The following FNDC3B variants were observed in gnomAD, a reference collection of about 807,000 sequenced individuals.
The protein encoded by FNDC3B is fibronectin type III domain containing 3B.
FNDC3B carries 12 observed loss-of-function variants against 151.5 expected under a neutral mutation model. The ratio of observed to expected loss-of-function variants is 0.08; its 90% confidence interval spans 0.05 to 0.13. The LOEUF (loss-of-function observed/expected upper bound fraction) is 0.13, where lower values mean the gene tolerates loss of function less well. Among genes scored for constraint, FNDC3B ranks in the 10% least tolerant of loss-of-function variants. The pLI is 1.00. For synonymous variants in FNDC3B, 528 were observed against 549.0 expected (o/e 0.96, Z 0.54); for missense variants, 1,214 against 1,505.3 (o/e 0.81, Z 3.20).
At chr3:172,080,893 T>C (rs1718247732) in intron 1 of FNDC3B, among the ~76,000 whole-genome samples, 2 of 152,234 alleles carry the variant, frequency 1.3e-5, no homozygotes, top group South Asian at 2.1e-4. Context: ...ATTTTCCTTA[T>C]AGTAACTTAC....
intron 3 of FNDC3B, among the ~76,000 whole-genome samples, chr3:172,178,608 G>A (rs1161223627): frequency 3.3e-5 from 5 of 152,132 alleles, no homozygotes; most frequent in South Asian, 4.1e-4. Context: ...GGAAAAGATG[G>A]GAGGAGGGAA....
intron 3 of FNDC3B, among the ~76,000 whole-genome samples, chr3:172,160,544 T>A (rs1188946696): frequency 6.6e-6 from 1 of 152,234 alleles, no homozygotes; most frequent in Non-Finnish European, 1.5e-5. Flanking sequence ...TCACTAATAT[T>A]GGCCAGCTCC....
rs996231482 is a variant in FNDC3B at position 172,233,733 on chromosome 3, T to A, written c.264+6786T>A. Among the ~76,000 whole-genome samples the A allele has an allele frequency of 2.0e-5, 3 of 152,236 alleles. No individual in the cohort carries two copies. In the East Asian group the frequency reaches 5.8e-4, roughly 29 times the overall value. On this transcript the variant is annotated intron_variant, in intron 4 of 25. Transcript: ENST00000415807. ...GAAAGGCACATGGGGGACTGCCCTA[T>A]GCCCTGAGAAACTGAGATTCAGACC...
Position 172,094,837 on chromosome 3 carries a change from GAGGTTCCAGAACTA to G in FNDC3B, c.-28-17613_-28-17600del, listed in dbSNP as rs151281905. 7.2e-3 allele frequency among the ~76,000 whole-genome samples: 1,097 copies of G among 151,802 alleles called. 14 individuals are homozygous for G. The highest frequency in any genetic ancestry group is 0.011 in the Non-Finnish European group (745 of 67,946). On this transcript the variant is annotated intron_variant, in intron 1 of 25. Transcript: ENST00000415807. ...GGGTGTGTAGTGGCTTAGTGGAAGT[GAGGTTCCAGAACTA>G]AATTACATGGTCTGCATGTGCAGGG...
At chr3:172,201,316 G>A (rs1725140739) in intron 3 of FNDC3B, among the ~76,000 whole-genome samples, 3 of 152,186 alleles carry the variant, frequency 2.0e-5, no homozygotes, top group Admixed American at 2.0e-4. Flanking sequence ...CTGCTCTCCA[G>A]ACCCTGGAGT....
intron 3 of FNDC3B, among the ~76,000 whole-genome samples, chr3:172,134,953 C>A (rs1038257577): frequency 2.7e-5 from 4 of 146,352 alleles, no homozygotes; most frequent in Middle Eastern, 3.6e-3. Flanking sequence ...ATACCGTGAA[C>A]AATTAAAACC....
intron 3 of FNDC3B, among the ~76,000 whole-genome samples, chr3:172,209,552 A>G (rs2108708085): frequency 6.6e-6 from 1 of 152,172 alleles, no homozygotes; most frequent in Admixed American, 6.5e-5. Context: ...CTCAGAAGGG[A>G]GGGCATGTGT....
At chr3:172,272,799 G>A (rs1269758374) in intron 6 of FNDC3B, among the ~76,000 whole-genome samples, 4 of 152,176 alleles carry the variant, frequency 2.6e-5, no homozygotes, top group Non-Finnish European at 1.5e-5. Flanking sequence ...GGAAGCCAGT[G>A]TCTAAAAATC....
chr3:172,080,918 A>G (rs765492507), intron 1 of FNDC3B, among the ~76,000 whole-genome samples: 1 of 152,182 alleles, frequency 6.6e-6, no homozygotes, highest in Non-Finnish European at 1.5e-5. Flanking sequence ...GAATTCATGT[A>G]AGTTAAGGAC....
In FNDC3B at chr3:172,040,811, T is replaced by C. The variant is rs977795447; in HGVS notation, c.-29+1040T>C. 2.0e-5 allele frequency among the ~76,000 whole-genome samples: 3 copies of C among 151,864 alleles called. No homozygotes were observed. Among genetic ancestry groups the C allele is most frequent in the African/African-American group, 7.2e-5 (3 of 41,386 alleles). ...GGGCCTCGGGCTGTGCCCGCGAACT[T>C]TCCCAGAGGTCCGGGTCCCGGCGTC... On this transcript the variant is annotated intron_variant, in intron 1 of 25. Coordinates refer to ENST00000415807, the MANE Select transcript of FNDC3B (RefSeq NM_022763.4). The surrounding 1 kb of genome is among the most constrained non-coding windows in gnomAD (Gnocchi z 6.6).
chr3:172,124,555 A>G (rs1487997836), intron 2 of FNDC3B, among the ~76,000 whole-genome samples: 2 of 152,260 alleles, frequency 1.3e-5, no homozygotes. Flanking sequence ...TGACTCTTCC[A>G]GAGATTTCCA....
At chr3:172,309,755 T>C (rs908784128) in intron 10 of FNDC3B, among the ~76,000 whole-genome samples, 2 of 152,230 alleles carry the variant, frequency 1.3e-5, no homozygotes, top group South Asian at 2.1e-4. Flanking sequence ...TACTGAGTGC[T>C]TCCTATAAAA....
rs756963903 is a variant in FNDC3B, at chr3:172,347,268, T to A, written c.2421T>A (p.Asp807Glu). ...AGTACAGGTTGGAATGGGGAGAAGA[T>A]GAAGAATCCTTAGAACTCATTTATC... ...ISEYRLEWGE[D>E]EESLELIYHG... The change falls in exon 21 of 26, where the codon GAT (aspartate) becomes GAA (glutamate). Residue 807 changes from aspartate (D) to glutamate (E), a missense_variant. Around this residue, in one of 7 missense-constraint regions of FNDC3B, gnomAD observed 380 missense variants for 420.9 expected, o/e 0.90. Coordinates refer to ENST00000415807, the MANE Select transcript of FNDC3B (RefSeq NM_022763.4). 3 of 1,614,086 alleles carry A rather than the reference T, an allele frequency of 1.9e-6. No individual in the cohort carries two copies. Among genetic ancestry groups the A allele is most frequent in the South Asian group, 1.1e-5 (1 of 91,080 alleles).
chr3:172,081,075 C>T (rs1421659736), intron 1 of FNDC3B, among the ~76,000 whole-genome samples: 1 of 152,170 alleles, frequency 6.6e-6, no homozygotes, highest in Non-Finnish European at 1.5e-5. Context: ...TGTAGTAACT[C>T]TATTTTCCCT....
intron 4 of FNDC3B, among the ~76,000 whole-genome samples, chr3:172,246,164 G>A (rs994348524): frequency 6.6e-6 from 1 of 151,778 alleles, no homozygotes; most frequent in African/African-American, 2.4e-5. Flanking sequence ...CAATATAGAA[G>A]GTCAGTTTTG....
At chr3:172,086,081 C>A (rs1718532875) in intron 1 of FNDC3B, among the ~76,000 whole-genome samples, 1 of 152,094 alleles carries the variant, frequency 6.6e-6, no homozygotes, top group South Asian at 2.1e-4. Flanking sequence ...AAGCTCTGGG[C>A]CAGGCATGGT....
intron 3 of FNDC3B, among the ~76,000 whole-genome samples, chr3:172,191,855 C>T (rs1171116037): frequency 6.6e-6 from 1 of 152,120 alleles, no homozygotes; most frequent in Admixed American, 6.5e-5. Flanking sequence ...TGCCAACTCT[C>T]AATCAATTGA....
chr3:172,303,703 G>A (rs1288545523), intron 9 of FNDC3B, among the ~76,000 whole-genome samples: 1 of 148,496 alleles, frequency 6.7e-6, no homozygotes, highest in Admixed American at 6.7e-5. Flanking sequence ...TGATATTTAT[G>A]GAAAACTCAT....
At chr3:172,372,846 A>G (rs1211863329) in intron 23 of FNDC3B, among the ~76,000 whole-genome samples, 1 of 152,212 alleles carries the variant, frequency 6.6e-6, no homozygotes, top group Non-Finnish European at 1.5e-5. Context: ...AGGTTTTACC[A>G]ACATAAATAT....
Sources: gnomAD v4.1 joint callset for allele counts (sites outside exome capture counted in the v4.1 genomes callset) on GRCh38, gnomAD v4.1.1 for gene constraint, gnomAD v4.1.1 regional missense constraint, Gnocchi (gnomAD v3.1) non-coding constraint, MANE v1.5 for transcripts, NCBI Gene and HGNC (gene_info 2026-07-23, HGNC 2026-07-21) for gene names.